Variants in CEP57 observed in about 807,000 individuals in gnomAD.
The protein encoded by CEP57 is centrosomal protein 57.
Under a neutral mutation model 68.0 loss-of-function variants are expected in CEP57, and 40 were observed. That is an observed-to-expected ratio of 0.59 (90% CI 0.46 to 0.77). The LOEUF is 0.77. Ranked by LOEUF, CEP57 falls within the 30% of genes least tolerant of loss-of-function variation. The pLI, the probability that CEP57 is intolerant of heterozygous loss-of-function variation, is 0.00. For synonymous variants in CEP57, 219 were observed against 198.7 expected, an observed-to-expected ratio of 1.10 and a Z score of -0.86; for missense variants, 606 against 580.7, an observed-to-expected ratio of 1.04 and a Z score of -0.45.
chr11:95,793,654 G>A (rs1317858462), intron 1 of CEP57, among the ~76,000 whole-genome samples: 1 of 152,118 alleles, frequency 6.6e-6, no homozygotes, highest in Non-Finnish European at 1.5e-5. Flanking sequence ...AATCCTTAAA[G>A]ACCCTTTTCA....
chr11:95,818,118 T>C, intron 5 of CEP57: 1 of 488,798 alleles, frequency 2.0e-6, no homozygotes, highest in Non-Finnish European at 3.7e-6. Flanking sequence ...TGTTAAAAAA[T>C]TAAATGTTTT....
intron 3 of CEP57, among the ~76,000 whole-genome samples, 166 bp from the exon 4 acceptor site, chr11:95,813,302 A>G (rs1862153566): frequency 6.6e-6 from 1 of 152,242 alleles, no homozygotes; most frequent in Non-Finnish European, 1.5e-5. Flanking sequence ...ATGCAAGGCC[A>G]GTTTGACTAG....
At chr11:95,812,898 T>C in intron 2 of CEP57, 34 bp from the exon 3 acceptor site, 1 of 1,599,958 alleles carries the variant, frequency 6.3e-7, no homozygotes, top group Non-Finnish European at 8.6e-7. Context: ...GCATATGCTG[T>C]TACAGCATCC....
chr11:95,792,612 C>T (rs891322097), intron 1 of CEP57, among the ~76,000 whole-genome samples: 2 of 152,220 alleles, frequency 1.3e-5, no homozygotes, highest in African/African-American at 4.8e-5. Flanking sequence ...AAAGACTGTT[C>T]ATTAGGAAAG....
At chr11:95,791,749 G>A (rs564982792) in intron 1 of CEP57, among the ~76,000 whole-genome samples, 1 of 152,318 alleles carries the variant, frequency 6.6e-6, no homozygotes, top group South Asian at 2.1e-4. Flanking sequence ...CGAAGGAATT[G>A]TGATTGCTTG....
chr11:95,790,784 A>G (rs777511902), intron 1 of CEP57, 41 bp downstream of exon 1: 10 of 1,610,692 alleles, frequency 6.2e-6, no homozygotes, highest in Admixed American at 5.0e-5. Context: ...CGTCGGCCCT[A>G]AGCGCCTCTT....
intron 2 of CEP57, among the ~76,000 whole-genome samples, chr11:95,803,564 C>CCCCCGCCCCTTAAT (rs1861669329): frequency 1.7e-5 from 2 of 119,276 alleles, no homozygotes; most frequent in Non-Finnish European, 1.7e-5. Flanking sequence ...GGCCCCTGCC[C>CCCCCGCCCCTTAAT]CCCCGCCCCT....
In CEP57 at chr11:95,812,936, A is replaced by G; in HGVS notation, c.207A>G (p.Ile69Met). Residue 69 changes from isoleucine to methionine, a missense_variant, in exon 3 of 11, where the codon ATA becomes ATG. Coordinates refer to ENST00000325542, the MANE Select transcript of CEP57 (RefSeq NM_014679.5). The part of the protein sequence containing the change: ...LAYPESNSRA[I>M]FSALKNLQDK... ...GTTTGTGTTTGTATTTGGCAGCCAT[A>G]TTTTCTGCTCTTAAGAATCTTCAAG... 1 of 1,613,862 alleles carries G rather than the reference A, an allele frequency of 6.2e-7. No individual in the cohort carries two copies.
intron 10 of CEP57, 78 bp downstream of exon 10, chr11:95,829,409 C>G: frequency 7.3e-7 from 1 of 1,361,160 alleles, no homozygotes; most frequent in South Asian, 1.2e-5. Context: ...TAAATGATGA[C>G]ACTAAGTGTA....
upstream of CEP57, chr11:95,790,385 C>G: frequency 2.1e-6 from 1 of 481,456 alleles, no homozygotes; most frequent in Non-Finnish European, 3.8e-6. Context: ...CCAGCGGGCC[C>G]CGTTACGCGC....
At chr11:95,818,293 T>TCGCAGCTG (rs1862386422) in intron 5 of CEP57, among the ~76,000 whole-genome samples, 1 of 151,628 alleles carries the variant, frequency 6.6e-6, no homozygotes, top group Non-Finnish European at 1.5e-5. Context: ...ATGCCTGTAA[T>TCGCAGCTG]CGCAGCTGCT....
chr11:95,803,091 C>G (rs1861649769), intron 2 of CEP57, among the ~76,000 whole-genome samples: 1 of 152,046 alleles, frequency 6.6e-6, no homozygotes, highest in African/African-American at 2.4e-5. Context: ...AGCAACAAGA[C>G]AGAACAGGAG....
chr11:95,817,198 A>G (rs564925437), intron 4 of CEP57, among the ~76,000 whole-genome samples: 13 of 148,368 alleles, frequency 8.8e-5, no homozygotes, highest in Middle Eastern at 3.7e-3. Flanking sequence ...AAACCACGTC[A>G]CTACTAAAAA....
Position 95,799,274 on chromosome 11 carries a change from C to G in CEP57, c.88C>G (p.Arg30Gly). 6.2e-7 allele frequency: 1 copy of G among 1,614,002 alleles called. No homozygotes were observed. Among genetic ancestry groups the G allele is most frequent in the Non-Finnish European group, 8.5e-7 (1 of 1,179,898 alleles). The change falls in exon 2 of 11, where the codon CGG becomes GGG. Residue 30 changes from arginine to glycine, a missense_variant. Physicochemically the swap from Arg to Gly is moderately radical, Grantham distance 125 (BLOSUM62 -2). Transcript: ENST00000325542. ...ATCAAGGTCTAATGGAAGCATGGTT[C>G]GGCATTCTTCATCTCCATATGTAGT... Reference protein sequence around the residue: ...EPSRSNGSMVRHSSSPYVVYP... With the variant: ...EPSRSNGSMVGHSSSPYVVYP...
intron 8 of CEP57, chr11:95,826,086 C>A (rs1469940681): frequency 6.6e-6 from 1 of 152,274 alleles, no homozygotes; most frequent in Non-Finnish European, 1.5e-5. Context: ...GTGCTAGCCT[C>A]TCCTGCCTCC....
intron 1 of CEP57, chr11:95,794,089 A>G (rs958952191): frequency 5.4e-5 from 18 of 333,374 alleles, no homozygotes; most frequent in Non-Finnish European, 1.0e-4. Flanking sequence ...TAAAGCAAAC[A>G]TTAAAGAGAT....
rs190909602 is a variant in CEP57, at chr11:95,796,982, T to C, written c.46-2250T>C. 1.2e-3 allele frequency among the ~76,000 whole-genome samples: 190 copies of C among 152,306 alleles called. 1 individual carries two copies. Among genetic ancestry groups the C allele is most frequent in the Non-Finnish European group, 1.9e-4 (13 of 68,022 alleles). On this transcript the variant is annotated intron_variant, in intron 1 of 10. Coordinates refer to ENST00000325542, the MANE Select transcript of CEP57 (RefSeq NM_014679.5). Reference sequence around the variant, plus strand: ...GCAGCACCTTCCCAGCATATCAGTATGTTCAACAATCTAGAAGCTCCCCAA... The same window carrying C: ...GCAGCACCTTCCCAGCATATCAGTACGTTCAACAATCTAGAAGCTCCCCAA...
chr11:95,796,776 A>G (rs1209886264), intron 1 of CEP57, among the ~76,000 whole-genome samples: 4 of 152,176 alleles, frequency 2.6e-5, no homozygotes, highest in Non-Finnish European at 4.4e-5. Flanking sequence ...TTCGCAGAGC[A>G]TCTGCATTTC....
At chr11:95,811,126 A>G (rs1170633494) in intron 2 of CEP57, among the ~76,000 whole-genome samples, 2 of 152,192 alleles carry the variant, frequency 1.3e-5, no homozygotes, top group African/African-American at 4.8e-5. Flanking sequence ...CTATAAAGAC[A>G]CATACACATG....
Sources: gnomAD v4.1 joint callset for allele counts (sites outside exome capture counted in the v4.1 genomes callset) on GRCh38, gnomAD v4.1.1 for gene constraint, MANE v1.5 for transcripts, NCBI Gene and HGNC (gene_info 2026-07-23, HGNC 2026-07-21) for gene names.